COL4A1: variants seen among roughly 807,000 people sequenced by gnomAD.
COL4A1 encodes the protein collagen alpha-1(IV) chain.
In COL4A1, 40 loss-of-function variants were observed where a neutral mutation model predicts 216.6. The ratio of observed to expected loss-of-function variants is 0.18; its 90% CI spans 0.14 to 0.24. The LOEUF is 0.24. COL4A1 is among the 10% of genes least tolerant of loss of function. The pLI is 1.00. For synonymous variants in COL4A1, 839 were observed against 810.7 expected (o/e 1.03, Z -0.59); for missense variants, 1,628 against 2,196.8 (o/e 0.74, Z 5.18).
intron 2 of COL4A1, among the ~76,000 whole-genome samples, chr13:110,223,792 G>A (rs138065539): frequency 0.046 from 6,952 of 152,180 alleles, 259 homozygotes; most frequent in Admixed American, 0.085. Context: ...GCTCTCTGGG[G>A]GTTCCTGCCT....
At chr13:110,165,497 C>G (rs919265654) in intron 45 of COL4A1, among the ~76,000 whole-genome samples, 2 of 151,978 alleles carry the variant, frequency 1.3e-5, no homozygotes, top group African/African-American at 2.4e-5. Context: ...ACACAAAGTG[C>G]GAGTTCCCCT....
At chr13:110,235,170 C>CTAA (rs1881249702) in intron 2 of COL4A1, among the ~76,000 whole-genome samples, 1 of 152,118 alleles carries the variant, frequency 6.6e-6, no homozygotes, top group South Asian at 2.1e-4. Flanking sequence ...TTATTAATAA[C>CTAA]TCACCATTAT....
intron 1 of COL4A1, among the ~76,000 whole-genome samples, chr13:110,248,720 T>C (rs1881947314): frequency 6.6e-6 from 1 of 152,150 alleles, no homozygotes; most frequent in African/African-American, 2.4e-5. Flanking sequence ...TTCGAACTCC[T>C]GGCCTCAAGT....
chr13:110,172,355 T>G (rs1877685959), intron 41 of COL4A1, among the ~76,000 whole-genome samples: 1 of 152,250 alleles, frequency 6.6e-6, no homozygotes, highest in Admixed American at 6.5e-5. Flanking sequence ...TCGTGGTGTG[T>G]GCTACATACT....
chr13:110,252,507 G>GTA (rs1566415824), intron 1 of COL4A1, among the ~76,000 whole-genome samples: 1 of 4,516 alleles, frequency 2.2e-4, no homozygotes, highest in African/African-American at 2.6e-4. Context: ...ACGTATATAT[G>GTA]TATTATATAT....
intron 19 of COL4A1, 112 bp downstream of exon 19, chr13:110,201,326 G>GGGAGA (rs1879204515): frequency 1.4e-6 from 1 of 717,282 alleles, no homozygotes; most frequent in Non-Finnish European, 2.4e-6. Context: ...AGGGGGAGGA[G>GGGAGA]GAAGGAGGAG....
At chr13:110,242,758 T>A (rs1449321857) in intron 1 of COL4A1, 24 bp from the exon 2 acceptor site, 1 of 1,613,420 alleles carries the variant, frequency 6.2e-7, no homozygotes, top group East Asian at 2.2e-5. Context: ...AAAACTTCTT[T>A]AAATAGAAGA....
intron 1 of COL4A1, among the ~76,000 whole-genome samples, chr13:110,275,696 A>G (rs1301259826): frequency 6.6e-6 from 1 of 152,260 alleles, no homozygotes; most frequent in Non-Finnish European, 1.5e-5. Flanking sequence ...GGACATCCAG[A>G]CAATGGAATA....
chr13:110,303,001 T>C (rs1669313511), intron 1 of COL4A1, among the ~76,000 whole-genome samples: 1 of 152,198 alleles, frequency 6.6e-6, no homozygotes, highest in South Asian at 2.1e-4. Flanking sequence ...TGTTGTCATT[T>C]AGCCACTTCT....
At chr13:110,201,830 A>C (rs564682548) in intron 18 of COL4A1, 213 of 482,110 alleles carry the variant, frequency 4.4e-4, no homozygotes, top group Non-Finnish European at 7.3e-4. Context: ...AAAAATACAA[A>C]AATTAGTCGG....
At chr13:110,225,524 A>C (rs1187108242) in intron 2 of COL4A1, among the ~76,000 whole-genome samples, 1 of 152,248 alleles carries the variant, frequency 6.6e-6, no homozygotes, top group Non-Finnish European at 1.5e-5. Flanking sequence ...CAGAGGTTGC[A>C]GTGAGCCGAG....
At chr13:110,272,960 A>C (rs1177344661) in intron 1 of COL4A1, among the ~76,000 whole-genome samples, 1 of 152,188 alleles carries the variant, frequency 6.6e-6, no homozygotes, top group Non-Finnish European at 1.5e-5. Flanking sequence ...GGGAATCCTA[A>C]AGCAAAGGGA....
chr13:110,246,462 T>C (rs1881817639), intron 1 of COL4A1, among the ~76,000 whole-genome samples: 2 of 152,220 alleles, frequency 1.3e-5, no homozygotes. Flanking sequence ...TTCACTGTTG[T>C]AAATTACTGT....
At chr13:110,257,452 CT>C (rs1882628777) in intron 1 of COL4A1, among the ~76,000 whole-genome samples, 2 of 152,334 alleles carry the variant, frequency 1.3e-5, no homozygotes, top group East Asian at 3.9e-4. Context: ...GTAAGTGCTA[CT>C]TCCAAAGGAC....
chr13:110,256,539 G>C (rs1398545844), intron 1 of COL4A1, among the ~76,000 whole-genome samples: 1 of 152,112 alleles, frequency 6.6e-6, no homozygotes, highest in Non-Finnish European at 1.5e-5. Flanking sequence ...AAGCAAAGGA[G>C]GAAATTCCAG....
At chr13:110,189,049 TTTGTTTTGTTTTTTGC>T (rs1482993544) in intron 24 of COL4A1, among the ~76,000 whole-genome samples, 1 of 152,168 alleles carries the variant, frequency 6.6e-6, no homozygotes, top group Admixed American at 6.5e-5. Flanking sequence ...TGTTTTTTGT[TTTGTTTTGTTTTTTGC>T]TTGTTTTGTT....
chr13:110,253,241 G>GTAT (rs757321302), intron 1 of COL4A1, among the ~76,000 whole-genome samples: 1 of 113,234 alleles, frequency 8.8e-6, no homozygotes, highest in Non-Finnish European at 1.8e-5. Context: ...ATATAATTAG[G>GTAT]TATATATACA....
rs539315365 is a variant in COL4A1 at position 110,154,637 on chromosome 13, C to T, written c.4755+646G>A. ...GGAGAAGCTGCTCATATAGAGAAAC[C>T]GGTCATATACAGAAGCTGCTCATAG... On this transcript the variant is annotated intron_variant, in intron 50 of 51. Coordinates refer to ENST00000375820, the MANE Select transcript of COL4A1 (RefSeq NM_001845.6). 5.4e-5 allele frequency among the ~76,000 whole-genome samples: 8 copies of T among 148,360 alleles called. No homozygotes were observed. The East Asian group carries it at 1.0e-3, about 19-fold the overall frequency.
intron 2 of COL4A1, among the ~76,000 whole-genome samples, chr13:110,215,153 TAGG>T (rs1369121863): frequency 3.3e-5 from 5 of 152,114 alleles, no homozygotes; most frequent in African/African-American, 9.7e-5. Flanking sequence ...TAGAGACCAT[TAGG>T]AGATGTGGGT....
Sources: gnomAD v4.1 joint callset for allele counts (sites outside exome capture counted in the v4.1 genomes callset) on GRCh38, gnomAD v4.1.1 for gene constraint, MANE v1.5 for transcripts, NCBI Gene and HGNC (gene_info 2026-07-23, HGNC 2026-07-21) for gene names.